EXPH5: variants seen among roughly 807,000 people sequenced by gnomAD.
EXPH5 encodes the protein exophilin 5.
EXPH5 carries 42 observed loss-of-function variants against 41.1 expected under a neutral mutation model. The ratio of observed to expected loss-of-function variants is 1.02; its 90% confidence interval spans 0.80 to 1.32. The LOEUF is 1.32. Ranked by LOEUF, EXPH5 falls within the 40% of genes most tolerant of loss-of-function variation. The probability of loss-of-function intolerance (pLI) is 0.00; values close to 1 mark genes in which losing one functional copy is unlikely to be tolerated. For synonymous variants in EXPH5, 798 were observed against 833.5 expected (o/e 0.96, Z 0.73); for missense variants, 2,298 against 2,314.5 (o/e 0.99, Z 0.15).
Position 108,510,893 on chromosome 11 carries a change from T to G in EXPH5, c.4614A>C (p.Arg1538Ser), listed in dbSNP as rs1291848078. Residue 1538 changes from arginine to serine, a missense_variant, in exon 6 of 6, where the codon AGA becomes AGC. By Grantham distance (110) the Arg-to-Ser change is moderately radical. Coordinates refer to ENST00000265843, the MANE Select transcript of EXPH5 (RefSeq NM_015065.3). Reference sequence around the variant, plus strand: ...CCTCCTGACTTCTTTGAGGTAATTCTCTTGGTTCAGACTGCAGACTCTCTA... The same window carrying G: ...CCTCCTGACTTCTTTGAGGTAATTCGCTTGGTTCAGACTGCAGACTCTCTA... Reference protein sequence around the residue: ...PNLESLQSEPRELPQRSQEAN... With the variant: ...PNLESLQSEPSELPQRSQEAN... The G allele has an allele frequency of 6.2e-7, 1 of 1,614,138 alleles. No homozygotes were observed. The highest frequency in any genetic ancestry group is 1.3e-5 in the African/African-American group (1 of 74,952).
At chr11:108,604,501 G>T in the EXPH5 span, among the ~76,000 whole-genome samples, 1 of 152,058 alleles carries the variant, frequency 6.6e-6, no homozygotes, top group Non-Finnish European at 1.5e-5. Context: ...CAGCCTCTTG[G>T]TAATTTCTGT....
At chr11:108,529,889 T>C (rs1426588911) in intron 3 of EXPH5, among the ~76,000 whole-genome samples, 2 of 150,732 alleles carry the variant, frequency 1.3e-5, no homozygotes, top group Non-Finnish European at 1.5e-5. Flanking sequence ...GACTGAGAGC[T>C]CTGTATGAAA....
intron 1 of EXPH5, among the ~76,000 whole-genome samples, chr11:108,550,591 T>C (rs571409088): frequency 2.0e-5 from 3 of 152,162 alleles, no homozygotes; most frequent in East Asian, 3.9e-4. Flanking sequence ...CCAGCCTAGC[T>C]AACATGGAGA....
chr11:108,541,454 A>T (rs1210486893), intron 2 of EXPH5, among the ~76,000 whole-genome samples, 198 bp downstream of exon 2: 3 of 152,126 alleles, frequency 2.0e-5, no homozygotes, highest in Non-Finnish European at 4.4e-5. Context: ...ACAAAAAAAA[A>T]TCCAAGACAT....
chr11:108,525,457 T>C (rs576894123), intron 4 of EXPH5, among the ~76,000 whole-genome samples: 2 of 152,316 alleles, frequency 1.3e-5, no homozygotes, highest in African/African-American at 4.8e-5. Flanking sequence ...AAAATGTCAA[T>C]GGTGCTGAGA....
chr11:108,583,861 A>G (rs2624142), intron 1 of EXPH5, among the ~76,000 whole-genome samples: 147,305 of 152,152 alleles, frequency 0.97, 71,525 homozygotes, highest in East Asian at 1. Context: ...TGGAAAGGAA[A>G]AAATAAAACC....
intron 1 of EXPH5, among the ~76,000 whole-genome samples, chr11:108,574,358 A>G (rs2094073088): frequency 7.1e-6 from 1 of 141,780 alleles, no homozygotes; most frequent in African/African-American, 2.6e-5. Context: ...AGCCTGGGTG[A>G]CAGAACAAGA....
intron 1 of EXPH5, among the ~76,000 whole-genome samples, chr11:108,546,020 A>C (rs983199218): frequency 3.9e-5 from 6 of 152,074 alleles, no homozygotes; most frequent in Admixed American, 2.0e-4. Flanking sequence ...TGAAGGATGA[A>C]GGATGAGGCC....
chr11:108,593,839 C>A, upstream of EXPH5: 1 of 1,200,562 alleles, frequency 8.3e-7, no homozygotes, highest in Non-Finnish European at 1.2e-6. Context: ...CCTCCCTCGT[C>A]CCCTCCCTCG....
chr11:108,558,160 C>CT (rs1453002282), intron 1 of EXPH5, among the ~76,000 whole-genome samples: 1 of 152,164 alleles, frequency 6.6e-6, no homozygotes, highest in Non-Finnish European at 1.5e-5. Flanking sequence ...CCAGGCTGGT[C>CT]TTGAACTCCT....
the EXPH5 span, among the ~76,000 whole-genome samples, chr11:108,605,769 T>A: frequency 6.6e-6 from 1 of 152,228 alleles, no homozygotes; most frequent in Non-Finnish European, 1.5e-5. Flanking sequence ...TGGACATATA[T>A]GATGAATCAT....
chr11:108,570,170 G>A (rs1247304014), intron 1 of EXPH5, among the ~76,000 whole-genome samples: 2 of 152,178 alleles, frequency 1.3e-5, no homozygotes, highest in Non-Finnish European at 2.9e-5. Context: ...ACCTGTGAGT[G>A]TCTGCAGCAC....
In EXPH5 at chr11:108,535,831, C is replaced by G. The variant is rs544108454; in HGVS notation, c.443+3193G>C. 2.6e-5 allele frequency among the ~76,000 whole-genome samples: 4 copies of G among 152,232 alleles called. No individual in the cohort carries two copies. The East Asian group carries it at 7.7e-4, about 29-fold the overall frequency. Reference sequence around the variant, plus strand: ...CTTATTCATAGTAGGGAGGGCATCACTGGAATAACTGGGGGTCTGGAACAA... The same window carrying G: ...CTTATTCATAGTAGGGAGGGCATCAGTGGAATAACTGGGGGTCTGGAACAA... On this transcript the variant is annotated intron_variant, in intron 3 of 5. Coordinates refer to ENST00000265843, the MANE Select transcript of EXPH5 (RefSeq NM_015065.3).
chr11:108,552,687 T>C (rs10890860), intron 1 of EXPH5, among the ~76,000 whole-genome samples: 59,534 of 152,026 alleles, frequency 0.39, 13,704 homozygotes, highest in African/African-American at 0.65. Flanking sequence ...GAGGCCAAGG[T>C]GGAAGGATTA....
intron 1 of EXPH5, among the ~76,000 whole-genome samples, chr11:108,554,882 C>A (rs1006556500): frequency 6.6e-6 from 1 of 152,198 alleles, no homozygotes; most frequent in Non-Finnish European, 1.5e-5. Flanking sequence ...CAAGATCGTG[C>A]CACTGCACTC....
chr11:108,567,210 A>C (rs2094038433), intron 1 of EXPH5, among the ~76,000 whole-genome samples: 1 of 152,244 alleles, frequency 6.6e-6, no homozygotes, highest in Non-Finnish European at 1.5e-5. Flanking sequence ...GTTTACCCAC[A>C]ATAAACAAAC....
intron 1 of EXPH5, among the ~76,000 whole-genome samples, chr11:108,562,314 C>T (rs541067860): frequency 4.8e-5 from 7 of 146,706 alleles, no homozygotes; most frequent in Middle Eastern, 3.5e-3. Flanking sequence ...TACATCAGGC[C>T]GGGCTGGGTG....
chr11:108,548,572 A>T lies in EXPH5; in HGVS notation c.120-6760T>A, dbSNP rs368183984. Among the ~76,000 whole-genome samples, 12 of 152,348 alleles carry T rather than the reference A, an allele frequency of 7.9e-5. No individual in the cohort carries two copies. In the East Asian group the frequency reaches 9.6e-4, roughly 12 times the overall value. On this transcript the variant is annotated intron_variant, in intron 1 of 5. Transcript: ENST00000265843. ...ATATTCAAGGTTCAGGTAGTCGATA[A>T]TGGCATTATGTTTACTATTACCAAG...
At chr11:108,560,318 A>G (rs1248797168) in intron 1 of EXPH5, among the ~76,000 whole-genome samples, 1 of 152,200 alleles carries the variant, frequency 6.6e-6, no homozygotes, top group African/African-American at 2.4e-5. Flanking sequence ...ACTTATTTTC[A>G]AAGAGTTAAC....
Sources: allele counts gnomAD v4.1 joint callset (sites outside exome capture counted in the v4.1 genomes callset), GRCh38; gene constraint gnomAD v4.1.1; transcripts MANE v1.5; gene names NCBI Gene and HGNC (gene_info 2026-07-23, HGNC 2026-07-21).